Variants in GABBR2 observed in about 807,000 individuals in gnomAD.
The protein encoded by GABBR2 is G-protein coupled receptor 51.
GABBR2 carries 23 observed loss-of-function variants against 105.6 expected under a neutral mutation model. The ratio of observed to expected loss-of-function variants is 0.22; its 90% CI spans 0.16 to 0.31. The LOEUF (loss-of-function observed/expected upper bound fraction) is 0.31. Among genes scored for constraint, GABBR2 ranks in the 10% least tolerant of loss-of-function variants. The pLI is 1.00. For missense variants in GABBR2, 734 were observed against 1,245.5 expected, an observed-to-expected ratio of 0.59 and a Z score of 6.18; for synonymous variants, 478 against 499.7, an observed-to-expected ratio of 0.96 and a Z score of 0.58.
At chr9:98,420,503 C>T (rs1375891865) in intron 7 of GABBR2, among the ~76,000 whole-genome samples, 1 of 152,118 alleles carries the variant, frequency 6.6e-6, no homozygotes, top group Non-Finnish European at 1.5e-5. Context: ...TGAGTACTGG[C>T]TGTGCATCAG....
chr9:98,620,994 T>C (rs909649697), intron 1 of GABBR2, among the ~76,000 whole-genome samples: 15 of 152,150 alleles, frequency 9.9e-5, no homozygotes, highest in Admixed American at 7.2e-4. Flanking sequence ...GGCACAGCAA[T>C]GGCTCAGTGG....
intron 2 of GABBR2, among the ~76,000 whole-genome samples, chr9:98,560,396 CACACATACACACACACACACATAT>C (rs200096227): frequency 0.13 from 18,877 of 148,778 alleles, 1,466 homozygotes; most frequent in Non-Finnish European, 0.17. Context: ...TGTGCGCATA[CACACATACACACACACACACATAT>C]ACACATACAC....
At chr9:98,393,342 A>ACCATCCATCCATCCATCCATCCATCCAT (rs921463721) in intron 9 of GABBR2, among the ~76,000 whole-genome samples, 4,243 of 104,078 alleles carry the variant, frequency 0.041, 248 homozygotes, top group Non-Finnish European at 0.048. Flanking sequence ...CATCCACCCA[A>ACCATCCATCCATCCATCCATCCATCCAT]CCATCCATCC....
At chr9:98,330,937 ATCTAGTT>A (rs1831014317) in intron 13 of GABBR2, among the ~76,000 whole-genome samples, 1 of 151,944 alleles carries the variant, frequency 6.6e-6, no homozygotes, top group Admixed American at 6.6e-5. Flanking sequence ...GCAACCACTA[ATCTAGTT>A]TCTGTCTCTG....
chr9:98,629,188 T>C (rs1479595714), intron 1 of GABBR2, among the ~76,000 whole-genome samples: 2 of 152,208 alleles, frequency 1.3e-5, no homozygotes, highest in Admixed American at 6.5e-5. Flanking sequence ...TTGTACTTAA[T>C]ATTGATGTAT....
In GABBR2 at chr9:98,547,844, T is replaced by C. The variant is rs1335278090; in HGVS notation, c.460-5801A>G. 3.3e-5 allele frequency among the ~76,000 whole-genome samples: 4 copies of C among 122,804 alleles called. 2 individuals carry two copies. Among genetic ancestry groups the C allele is most frequent in the Non-Finnish European group, 7.3e-5 (4 of 54,438 alleles). 80.6% of individuals were successfully genotyped at this position (122,804 alleles called of 152,430 possible). ...ACATGTTAGCTATTCGGGTTCTTTGTTCTGTGAGTTGCCTGACTTGCTTTT... is the reference window on the plus strand; with the variant it reads ...ACATGTTAGCTATTCGGGTTCTTTGCTCTGTGAGTTGCCTGACTTGCTTTT... On this transcript the variant is annotated intron_variant, in intron 2 of 18. Transcript: ENST00000259455.
intron 1 of GABBR2, among the ~76,000 whole-genome samples, chr9:98,698,503 CT>C (rs200900023): frequency 9.1e-4 from 72 of 78,740 alleles, no homozygotes; most frequent in Middle Eastern, 0.011. Flanking sequence ...ATGCACAATT[CT>C]TTTTTTTTTT....
chr9:98,469,196 A>G (rs1452006051), intron 6 of GABBR2, among the ~76,000 whole-genome samples: 2 of 152,182 alleles, frequency 1.3e-5, no homozygotes, highest in East Asian at 1.9e-4. Context: ...ACAGTTCTGT[A>G]TTGCTGAGGA....
intron 2 of GABBR2, among the ~76,000 whole-genome samples, chr9:98,566,615 T>C (rs1462835148): frequency 6.6e-6 from 1 of 151,696 alleles, no homozygotes; most frequent in Non-Finnish European, 1.5e-5. Flanking sequence ...GTGGAGCTTG[T>C]AGTGAGCCGA....
intron 1 of GABBR2, among the ~76,000 whole-genome samples, chr9:98,596,280 T>C (rs1829232500): frequency 6.6e-6 from 1 of 152,164 alleles, no homozygotes; most frequent in Admixed American, 6.5e-5. Context: ...GAAAGAGTGC[T>C]GGCACCGGTG....
At chr9:98,625,388 C>T (rs1270371819) in intron 1 of GABBR2, among the ~76,000 whole-genome samples, 2 of 152,236 alleles carry the variant, frequency 1.3e-5, no homozygotes, top group African/African-American at 4.8e-5. Flanking sequence ...GTCCTCATAC[C>T]CAGCGTGGCC....
chr9:98,602,446 C>T (rs1188932899), intron 1 of GABBR2, among the ~76,000 whole-genome samples: 2 of 125,312 alleles, frequency 1.6e-5, no homozygotes, highest in Non-Finnish European at 3.2e-5. Flanking sequence ...GGTGACAGAG[C>T]TAGACTCTGT....
intron 2 of GABBR2, among the ~76,000 whole-genome samples, chr9:98,573,836 C>T (rs920570281): frequency 3.9e-5 from 6 of 152,148 alleles, no homozygotes; most frequent in Non-Finnish European, 7.3e-5. Flanking sequence ...ATGCATAGAT[C>T]TGTTTGTGTA....
intron 1 of GABBR2, among the ~76,000 whole-genome samples, chr9:98,658,816 G>A (rs928045950): frequency 1.3e-5 from 2 of 152,130 alleles, no homozygotes; most frequent in South Asian, 2.1e-4. Context: ...AGTACTAGTC[G>A]TGAGACCCCC....
chr9:98,430,888 G>A (rs12339416), intron 7 of GABBR2, among the ~76,000 whole-genome samples: 1 of 151,278 alleles, frequency 6.6e-6, no homozygotes, highest in South Asian at 2.1e-4. Flanking sequence ...GTCCTCTGCT[G>A]CTTGTAGCCC....
At chr9:98,290,832 AAAG>A (rs1830292419) in intron 18 of GABBR2, 83 bp from the exon 19 acceptor site, 1 of 919,468 alleles carries the variant, frequency 1.1e-6, no homozygotes, top group East Asian at 3.3e-5. Context: ...TTTGGCTAAA[AAAG>A]CTGATGACAG....
At chr9:98,705,041 A>G (rs1487385387) in intron 1 of GABBR2, among the ~76,000 whole-genome samples, 2 of 152,202 alleles carry the variant, frequency 1.3e-5, no homozygotes, top group South Asian at 2.1e-4. Flanking sequence ...CTTGACTGCC[A>G]GGAAGCTCAG....
At chr9:98,701,677 G>A (rs1238387481) in intron 1 of GABBR2, among the ~76,000 whole-genome samples, 2 of 152,100 alleles carry the variant, frequency 1.3e-5, no homozygotes, top group Admixed American at 6.5e-5. Context: ...AGCCAGCAGG[G>A]GAGAAAGTGA....
intron 13 of GABBR2, among the ~76,000 whole-genome samples, chr9:98,361,306 T>C (rs1295372050): frequency 6.6e-6 from 1 of 152,154 alleles, no homozygotes; most frequent in Non-Finnish European, 1.5e-5. Flanking sequence ...AAGGACAGCA[T>C]CTACCTCCCA....
Sources: allele counts gnomAD v4.1 joint callset (sites outside exome capture counted in the v4.1 genomes callset), GRCh38; gene constraint gnomAD v4.1.1; transcripts MANE v1.5; gene names NCBI Gene and HGNC (gene_info 2026-07-23, HGNC 2026-07-21).